The following LIFR variants were observed in gnomAD, a reference collection of about 807,000 sequenced individuals.
The protein encoded by LIFR is LIF receptor subunit alpha.
In LIFR, 84 loss-of-function variants were observed where a neutral mutation model predicts 122.2. The observed-to-expected ratio is 0.69, with a 90% CI of 0.58 to 0.82. The LOEUF (loss-of-function observed/expected upper bound fraction) is 0.82, where lower values mean the gene tolerates loss of function less well. Among genes scored for constraint, LIFR ranks in the 40% least tolerant of loss-of-function variants. LIFR has a pLI of 0.00. For missense variants in LIFR, 1,294 were observed against 1,311.6 expected (o/e 0.99, Z 0.21); for synonymous variants, 422 against 434.7 (o/e 0.97, Z 0.36).
intron 4 of LIFR, among the ~76,000 whole-genome samples, chr5:38,524,206 G>A (rs1561174142): frequency 1.3e-5 from 2 of 152,138 alleles, no homozygotes; most frequent in African/African-American, 2.4e-5. Context: ...CTCGTGCTGG[G>A]GGATGTCACC....
At chr5:38,491,083 TAAAGG>T (rs1453956775) in intron 14 of LIFR, among the ~76,000 whole-genome samples, 1 of 152,182 alleles carries the variant, frequency 6.6e-6, no homozygotes, top group Non-Finnish European at 1.5e-5. Context: ...GCTTCAGTGT[TAAAGG>T]AATTAGGTCT....
chr5:38,541,048 C>T (rs975971917), intron 1 of LIFR, among the ~76,000 whole-genome samples: 4 of 152,068 alleles, frequency 2.6e-5, no homozygotes, highest in Non-Finnish European at 5.9e-5. Flanking sequence ...TTCTTTATGA[C>T]ATTATTTAAC....
At chr5:38,582,553 A>G (rs1749621454) in intron 1 of LIFR, among the ~76,000 whole-genome samples, 1 of 152,218 alleles carries the variant, frequency 6.6e-6, no homozygotes, top group African/African-American at 2.4e-5. Flanking sequence ...ATTAAAATAA[A>G]TTATGCACAT....
At chr5:38,596,439 G>A (rs930862360), upstream of LIFR, among the ~76,000 whole-genome samples, 19 of 152,188 alleles carry the variant, frequency 1.2e-4, no homozygotes, top group Non-Finnish European at 2.5e-4. Flanking sequence ...GGGCTTGTGA[G>A]CTTACAGGTG....
chr5:38,562,496 A>C (rs942520137), intron 1 of LIFR, among the ~76,000 whole-genome samples: 2 of 152,236 alleles, frequency 1.3e-5, no homozygotes, highest in African/African-American at 4.8e-5. Flanking sequence ...CATCCAGAAT[A>C]CTGAGCTAAT....
chr5:38,528,672 G>T, intron 3 of LIFR, 54 bp downstream of exon 3: 1 of 1,014,102 alleles, frequency 9.9e-7, no homozygotes, highest in Non-Finnish European at 1.5e-6. Context: ...AGAACTGAGG[G>T]TCGTTTCTGC....
At position 38,530,675 on chromosome 5, in the gene LIFR, G is replaced by C. The variant is rs374399925; in HGVS notation, c.-19-9C>G. On this transcript the variant is annotated splice_polypyrimidine_tract_variant and intron_variant, in intron 1 of 19. Coordinates refer to ENST00000453190, the MANE Select transcript of LIFR (RefSeq NM_001127671.2). Reference sequence around the variant, plus strand: ...GTGCAATGCAGTCAGTCCTAGGTTAGGAGAGGAATTCCAGATGGTGTTCAG... The same window carrying C: ...GTGCAATGCAGTCAGTCCTAGGTTACGAGAGGAATTCCAGATGGTGTTCAG... The C allele has an allele frequency of 8.1e-6, 13 of 1,612,398 alleles. No homozygotes were observed. The highest frequency in any genetic ancestry group is 1.1e-5 in the Non-Finnish European group (13 of 1,178,458).
chr5:38,547,630 C>A (rs1385629997), intron 1 of LIFR, among the ~76,000 whole-genome samples: 4 of 152,132 alleles, frequency 2.6e-5, no homozygotes, highest in Non-Finnish European at 4.4e-5. Flanking sequence ...AAAGTCCCTA[C>A]ATAAAACTAA....
At chr5:38,564,745 C>CG (rs368860615) in intron 1 of LIFR, among the ~76,000 whole-genome samples, 2 of 134,726 alleles carry the variant, frequency 1.5e-5, no homozygotes, top group Non-Finnish European at 3.0e-5. Context: ...TACACACACA[C>CG]ACACACACAC....
Position 38,486,860 on chromosome 5 carries a change from T to C in LIFR, c.2336-880A>G, listed in dbSNP as rs578181104. ...TAGAAACATCGGAACTTTTGATGAA[T>C]TCAGTGTTTGGATTACTATGATTAT... On this transcript the variant is annotated intron_variant, in intron 16 of 19. Transcript: ENST00000453190. Among the ~76,000 whole-genome samples, 7 of 152,346 alleles carry C rather than the reference T, an allele frequency of 4.6e-5. No homozygotes were observed. The East Asian group carries it at 1.4e-3, about 29-fold the overall frequency.
intron 18 of LIFR, 25 bp downstream of exon 18, chr5:38,484,750 G>A (rs1374894436): frequency 2.1e-6 from 3 of 1,458,742 alleles, no homozygotes; most frequent in Non-Finnish European, 2.9e-6. Flanking sequence ...GAAGAAAACA[G>A]CAAGAGTAAA....
chr5:38,478,557 G>T lies in LIFR; in HGVS notation c.*3038C>A, dbSNP rs531247520. The T allele has an allele frequency of 1.2e-4, 24 of 192,486 alleles. No individual in the cohort carries two copies. Among genetic ancestry groups the T allele is most frequent in the Admixed American group, 9.8e-4 (16 of 16,340 alleles). The allele number at this position is 192,486 out of a possible 1,614,324, so 11.9% of individuals were successfully genotyped here. A position where few individuals can be genotyped will look rare whatever the true frequency, so the allele number is the denominator to read the frequency against. ...ATCTATGCAATATATGATTCACAAG[G>T]TTCATCTAATGTTAAAAGTCTAGCT... On this transcript the variant is annotated 3_prime_UTR_variant, in exon 20 of 20. Coordinates refer to ENST00000453190, the MANE Select transcript of LIFR (RefSeq NM_001127671.2).
rs1743743765 is a variant in LIFR, at chr5:38,476,803, AAC to A, written c.*4790_*4791del. 1 of 212,168 alleles carries A rather than the reference AAC, an allele frequency of 4.7e-6. No individual in the cohort carries two copies. Among genetic ancestry groups the A allele is most frequent in the Non-Finnish European group, 9.5e-6 (1 of 104,982 alleles). 13.1% of individuals were successfully genotyped at this position (212,168 alleles called of 1,614,324 possible). ...AAAACATTCAGAGGGTTTTCCCCTT[AAC>A]ACACAACTTTTAATTCTCATGAAAA... On this transcript the variant is annotated 3_prime_UTR_variant, in exon 20 of 20. Transcript: ENST00000453190.
At position 38,493,746 on chromosome 5, in the gene LIFR, C is replaced by G; in HGVS notation, c.1925G>C (p.Gly642Ala). ...KIEQVVGMGK[G>A]ILLTWHYDPN... is the part of the protein sequence containing the mutation. ...GTCGTAATGCCAGGTGAGGAGAATC[C>G]CCTTTCCCATCCCAACAACTTGTTC... Residue 642 changes from glycine (G) to alanine (A), a missense_variant, in exon 14 of 20, where the codon GGG (glycine) becomes GCG (alanine). By Grantham distance (60) the Gly-to-Ala change is moderately conservative (BLOSUM62 0). Coordinates refer to ENST00000453190, the MANE Select transcript of LIFR (RefSeq NM_001127671.2). The G allele has an allele frequency of 6.2e-7, 1 of 1,614,000 alleles. No homozygotes were observed.
chr5:38,607,014 A>C (rs1466695333), intron 1 of LIFR, among the ~76,000 whole-genome samples: 8 of 152,184 alleles, frequency 5.3e-5, no homozygotes, highest in Non-Finnish European at 1.0e-4. Flanking sequence ...TTCCTTCTTC[A>C]CCTTTTCCAT....
At chr5:38,582,117 G>C (rs900300690) in intron 1 of LIFR, among the ~76,000 whole-genome samples, 2 of 149,572 alleles carry the variant, frequency 1.3e-5, no homozygotes, top group Non-Finnish European at 3.0e-5. Flanking sequence ...CTGAAGTGCA[G>C]TCTCATGATC....
chr5:38,518,715 G>T lies in LIFR; in HGVS notation c.561+4704C>A, dbSNP rs78308116. On this transcript the variant is annotated intron_variant, in intron 5 of 19. Transcript: ENST00000453190. The stretch of plus-strand genomic sequence containing the variant: ...TACTACACTTTCTATCATTATTTTT[G>T]AGGGTACTCCTTCTACATGTTTTTA... 2.4e-3 allele frequency among the ~76,000 whole-genome samples: 359 copies of T among 152,218 alleles called. 1 individual carries two copies. Among genetic ancestry groups the T allele is most frequent in the African/African-American group, 8.1e-3 (338 of 41,532 alleles).
intron 1 of LIFR, among the ~76,000 whole-genome samples, chr5:38,537,715 G>T (rs1301184220): frequency 6.7e-6 from 1 of 149,280 alleles, no homozygotes; most frequent in Non-Finnish European, 1.5e-5. Flanking sequence ...TCTTTTTATT[G>T]CGTAATTAAA....
At chr5:38,557,587 T>C (rs779243474), upstream of LIFR, 2 of 154,824 alleles carry the variant, frequency 1.3e-5, no homozygotes, top group Non-Finnish European at 2.9e-5. Flanking sequence ...GTTTGTTTCA[T>C]CTGTGATTTA....
Sources: gnomAD v4.1 joint callset for allele counts (sites outside exome capture counted in the v4.1 genomes callset) on GRCh38, gnomAD v4.1.1 for gene constraint, MANE v1.5 for transcripts, NCBI Gene and HGNC (gene_info 2026-07-23, HGNC 2026-07-21) for gene names.